TM4SF4: variants seen among roughly 807,000 people sequenced by gnomAD.
The protein encoded by TM4SF4 is transmembrane 4 L6 family member 4.
TM4SF4 carries 24 observed loss-of-function variants against 24.1 expected under a neutral mutation model. That is an observed-to-expected ratio of 1.00 (90% CI 0.72 to 1.40). The LOEUF (loss-of-function observed/expected upper bound fraction) is 1.40. TM4SF4 is among the 40% of genes most tolerant of loss of function. The pLI, the probability that TM4SF4 is intolerant of heterozygous loss-of-function variation, is 0.00. For synonymous variants in TM4SF4, 113 were observed against 97.0 expected (o/e 1.17, Z -0.97); for missense variants, 254 against 254.2 (o/e 1.00, Z 0.01).
At chr3:149,492,035 G>T (rs1027823183) in intron 3 of TM4SF4, among the ~76,000 whole-genome samples, 6 of 152,132 alleles carry the variant, frequency 3.9e-5, no homozygotes, top group African/African-American at 1.4e-4. Flanking sequence ...ACTTTTAGAG[G>T]CATGATGGTT....
intron 3 of TM4SF4, among the ~76,000 whole-genome samples, chr3:149,490,899 CTTCTTG>C (rs911989344): frequency 6.6e-6 from 1 of 152,162 alleles, no homozygotes; most frequent in Non-Finnish European, 1.5e-5. Context: ...ACTGCTTCTT[CTTCTTG>C]TTCTTGTTCT....
At chr3:149,486,377 G>T (rs1734116043) in intron 2 of TM4SF4, among the ~76,000 whole-genome samples, 1 of 152,180 alleles carries the variant, frequency 6.6e-6, no homozygotes, top group South Asian at 2.1e-4. Context: ...TATGAGCCTG[G>T]GTCTGGGTCT....
chr3:149,494,190 C>G (rs1023251631), intron 3 of TM4SF4, among the ~76,000 whole-genome samples: 6 of 152,126 alleles, frequency 3.9e-5, no homozygotes, highest in African/African-American at 9.7e-5. Flanking sequence ...TTGCCAGACT[C>G]TCAAAGACTG....
intron 1 of TM4SF4, among the ~76,000 whole-genome samples, chr3:149,475,466 A>T (rs1733912458): frequency 6.6e-6 from 1 of 152,192 alleles, no homozygotes; most frequent in African/African-American, 2.4e-5. Context: ...GGACCTAATG[A>T]TTTCTTTACC....
At chr3:149,496,598 G>A (rs1250138802) in intron 3 of TM4SF4, among the ~76,000 whole-genome samples, 2 of 151,926 alleles carry the variant, frequency 1.3e-5, no homozygotes, top group South Asian at 2.1e-4. Flanking sequence ...GAGAAACCCC[G>A]CCTCTACCAA....
rs556872819 is a variant in TM4SF4, at chr3:149,483,515, G to C, written c.265-4104G>C. ...ATTTTCCAAAGTGTTTTCTTACAAG[G>C]AGTCACAGGAAAAAAAAAAAAACCA... On this transcript the variant is annotated intron_variant, in intron 2 of 4. Transcript: ENST00000305354. Among the ~76,000 whole-genome samples, 5 of 147,726 alleles carry C rather than the reference G, an allele frequency of 3.4e-5. No homozygotes were observed. The East Asian group carries it at 1.0e-3, about 30-fold the overall frequency.
intron 2 of TM4SF4, among the ~76,000 whole-genome samples, chr3:149,483,045 C>A (rs1292762579): frequency 2.6e-5 from 4 of 152,030 alleles, no homozygotes; most frequent in Non-Finnish European, 5.9e-5. Flanking sequence ...TGTGCCAAGA[C>A]CCCCCTCCTT....
chr3:149,485,003 G>C (rs1230210697), intron 2 of TM4SF4, among the ~76,000 whole-genome samples: 1 of 152,146 alleles, frequency 6.6e-6, no homozygotes. Flanking sequence ...AACAATGATT[G>C]AGTTGTTTCT....
intron 2 of TM4SF4, among the ~76,000 whole-genome samples, chr3:149,483,537 A>C (rs960011299): frequency 6.6e-6 from 1 of 151,066 alleles, no homozygotes; most frequent in Non-Finnish European, 1.5e-5. Context: ...AAAAAAAAAA[A>C]CCAAAAACTT....
chr3:149,485,099 A>T (rs1049684445), intron 2 of TM4SF4, among the ~76,000 whole-genome samples: 3 of 152,222 alleles, frequency 2.0e-5, no homozygotes, highest in Non-Finnish European at 2.9e-5. Flanking sequence ...TGAAATAAGG[A>T]CTCAACTCTA....
At chr3:149,476,816 T>C (rs2107865490) in intron 2 of TM4SF4, among the ~76,000 whole-genome samples, 1 of 115,228 alleles carries the variant, frequency 8.7e-6, no homozygotes, top group East Asian at 2.1e-4. Context: ...TTGTTTTTGT[T>C]TTTTTTTTTT....
At chr3:149,502,018 T>C (rs989398666) in intron 4 of TM4SF4, among the ~76,000 whole-genome samples, 3 of 152,202 alleles carry the variant, frequency 2.0e-5, no homozygotes, top group Non-Finnish European at 2.9e-5. Context: ...GAGTGCCTAG[T>C]ACAGGGTGAC....
intron 4 of TM4SF4, 100 bp from the exon 5 acceptor site, chr3:149,502,576 A>T: frequency 1.2e-6 from 1 of 831,448 alleles, no homozygotes. Context: ...AACCATTAAG[A>T]GCCAGGAGGA....
At chr3:149,475,730 C>T in intron 1 of TM4SF4, 93 bp from the exon 2 acceptor site, 1 of 1,083,292 alleles carries the variant, frequency 9.2e-7, no homozygotes. Flanking sequence ...CTCCAAATCC[C>T]TCATTGTGGA....
intron 3 of TM4SF4, among the ~76,000 whole-genome samples, chr3:149,489,622 C>G (rs1306028269): frequency 6.6e-6 from 1 of 152,048 alleles, no homozygotes; most frequent in Non-Finnish European, 1.5e-5. Context: ...GGTCACCACA[C>G]GAAATGCCAA....
intron 3 of TM4SF4, among the ~76,000 whole-genome samples, chr3:149,491,500 A>AAT (rs1553783044): frequency 2.0e-5 from 3 of 150,906 alleles, no homozygotes; most frequent in East Asian, 1.9e-4. Flanking sequence ...ACAAAACAAA[A>AAT]ATATATATAT....
At chr3:149,485,627 G>C (rs1162701402) in intron 2 of TM4SF4, among the ~76,000 whole-genome samples, 2 of 151,794 alleles carry the variant, frequency 1.3e-5, no homozygotes, top group African/African-American at 4.8e-5. Flanking sequence ...GGAGAAGACA[G>C]CCATAAAAAG....
At chr3:149,499,395 C>T (rs1479261397) in intron 4 of TM4SF4, among the ~76,000 whole-genome samples, 2 of 152,086 alleles carry the variant, frequency 1.3e-5, no homozygotes, top group East Asian at 3.9e-4. Flanking sequence ...AGAGGTAGTT[C>T]TTATATGGGA....
rs775434438 is a variant in TM4SF4, at chr3:149,475,863, A to G, written c.215A>G (p.Asn72Ser). The G allele has an allele frequency of 1.2e-6, 2 of 1,613,180 alleles. No individual in the cohort carries two copies. The highest frequency in any genetic ancestry group is 1.7e-6 in the Non-Finnish European group (2 of 1,179,636). The change falls in exon 2 of 5, where the codon AAT (asparagine) becomes AGT (serine). Residue 72 changes from asparagine (N) to serine (S), a missense_variant. Transcript: ENST00000305354. Reference protein sequence around the residue: ...PALVFLGLKNNDCCGCCGNEG... With the variant: ...PALVFLGLKNSDCCGCCGNEG... ...CTGGTGTTCTTGGGCCTGAAGAACA[A>G]TGACTGCTGTGGGTGCTGCGGCAAC...
Sources: allele counts gnomAD v4.1 joint callset (sites outside exome capture counted in the v4.1 genomes callset), GRCh38; gene constraint gnomAD v4.1.1; transcripts MANE v1.5; gene names NCBI Gene and HGNC (gene_info 2026-07-23, HGNC 2026-07-21).